RNF224: variants seen among roughly 807,000 people sequenced by gnomAD.
The protein encoded by RNF224 is ring finger protein 224.
In RNF224, 1 loss-of-function variant was observed where a neutral mutation model predicts 2.9. The observed-to-expected ratio is 0.35, with a 90% CI of 0.12 to 1.66. The LOEUF (loss-of-function observed/expected upper bound fraction) is 1.66, where lower values mean the gene tolerates loss of function less well. RNF224 is among the 40% of genes most tolerant of loss of function. The pLI is 0.35. For synonymous variants in RNF224, 116 were observed against 97.6 expected (o/e 1.19, Z -1.11); for missense variants, 254 against 221.8 (o/e 1.15, Z -0.92).
rs2131395338 is a variant in RNF224, at chr9:137,229,238, G to A, written c.*152G>A. 2 of 608,260 alleles carry A rather than the reference G, an allele frequency of 3.3e-6. No homozygotes were observed. The highest frequency in any genetic ancestry group is 2.0e-5 in the South Asian group (1 of 51,102). 37.7% of individuals were successfully genotyped at this position (608,260 alleles called of 1,614,324 possible). ...AGCAGGGTGGTGTCATCCCAGCCGT[G>A]AACATCCCAGGCCACAGCCTAAGGT... On this transcript the variant is annotated 3_prime_UTR_variant, in exon 3 of 3. Coordinates refer to ENST00000445101, the MANE Select transcript of RNF224 (RefSeq NM_001190228.2).
Position 137,228,215 on chromosome 9 carries a change from T to C in RNF224, c.-121T>C. 1.0e-6 allele frequency: 1 copy of C among 970,568 alleles called. No homozygotes were observed. Among genetic ancestry groups the C allele is most frequent in the Admixed American group, 2.5e-5 (1 of 40,178 alleles). 60.1% of individuals were successfully genotyped at this position (970,568 alleles called of 1,614,324 possible). On this transcript the variant is annotated 5_prime_UTR_variant, in exon 2 of 3. Coordinates refer to ENST00000445101, the MANE Select transcript of RNF224 (RefSeq NM_001190228.2). ...CGCCCGCCACAGCTGGCCACCTGCC[T>C]CTCTCCTGACTCCCGTGCAAGGCCA...
Position 137,229,427 on chromosome 9 carries a change from C to A in RNF224, c.*341C>A. 1 of 327,300 alleles carries A rather than the reference C, an allele frequency of 3.1e-6. No individual in the cohort carries two copies. Among genetic ancestry groups the A allele is most frequent in the South Asian group, 4.2e-5 (1 of 23,632 alleles). 20.3% of individuals were successfully genotyped at this position (327,300 alleles called of 1,614,324 possible). A position where few individuals can be genotyped will look rare whatever the true frequency, so the allele number is the denominator to read the frequency against. On this transcript the variant is annotated 3_prime_UTR_variant, in exon 3 of 3. Transcript: ENST00000445101. ...TAGACGCAGCGCAAAGGATGGCTCCCAAGAGGATGCGAAGGCGTCCCGGGG... is the reference window on the plus strand; with the variant it reads ...TAGACGCAGCGCAAAGGATGGCTCCAAAGAGGATGCGAAGGCGTCCCGGGG...
chr9:137,227,923 C>T (rs368169286), intron 1 of RNF224, 62 bp downstream of exon 1: 3 of 112,056 alleles, frequency 2.7e-5, no homozygotes, highest in South Asian at 2.1e-4. Flanking sequence ...AGTGAGGGAG[C>T]GGAGGGAAGG....
intron 1 of RNF224, 94 bp from the exon 2 acceptor site, chr9:137,228,058 T>G: frequency 4.6e-6 from 2 of 436,852 alleles, no homozygotes; most frequent in Non-Finnish European, 3.9e-6. Flanking sequence ...CCAGCCTGGA[T>G]AAGGTGTTAG....
rs1564411521 is a variant in RNF224, at chr9:137,228,657, AGGGGGGCCCCCG to A, written c.44_55del (p.Gly15_Pro18del). 1.3e-5 allele frequency: 19 copies of A among 1,457,948 alleles called. No individual in the cohort carries two copies. The East Asian group carries it at 4.5e-4, about 34-fold the overall frequency. The allele number at this position is 1,457,948 out of a possible 1,614,324, so 90.3% of individuals were successfully genotyped here. A position where few individuals can be genotyped will look rare whatever the true frequency, so the allele number is the denominator to read the frequency against. On this transcript the variant is annotated inframe_deletion, in exon 3 of 3. Transcript: ENST00000445101. ...CCGGAGGGCCCCCAGGCCTCGGAGG[AGGGGGGCCCCCG>A]GAGGAGAGGACAGACTGCATCATCT...
rs1180293305 is a variant in RNF224, at chr9:137,229,226, C to T, written c.*140C>T. Reference sequence around the variant, plus strand: ...TTCGTGTGGCCCAGCAGGGTGGTGTCATCCCAGCCGTGAACATCCCAGGCC... The same window carrying T: ...TTCGTGTGGCCCAGCAGGGTGGTGTTATCCCAGCCGTGAACATCCCAGGCC... On this transcript the variant is annotated 3_prime_UTR_variant, in exon 3 of 3. Coordinates refer to ENST00000445101, the MANE Select transcript of RNF224 (RefSeq NM_001190228.2). The T allele has an allele frequency of 8.1e-6, 5 of 618,014 alleles. No individual in the cohort carries two copies. The African/African-American group carries it at 9.2e-5, about 11-fold the overall frequency. 38.3% of individuals were successfully genotyped at this position (618,014 alleles called of 1,614,324 possible).
At chr9:137,228,452 G>C in intron 2 of RNF224, 111 bp downstream of exon 2, 1 of 1,181,418 alleles carries the variant, frequency 8.5e-7, no homozygotes, top group Non-Finnish European at 1.2e-6. Flanking sequence ...AACCAGAAGT[G>C]TGCAGACCCT....
Position 137,228,880 on chromosome 9 carries a change from G to A in RNF224, c.265G>A (p.Ala89Thr). ...GGTGGCCATGCTAGACCTGGACCTG[G>A]CTGCTTTCCTGGCGGTCAAGGCTGA... ...GGVAMLDLDL[A>T]AFLAVKAERE... Residue 89 changes from alanine to threonine, a missense_variant, in exon 3 of 3, where the codon GCT becomes ACT. Ala to Thr is a moderately conservative substitution (Grantham distance 58, BLOSUM62 0). Coordinates refer to ENST00000445101, the MANE Select transcript of RNF224 (RefSeq NM_001190228.2). 1 of 1,535,758 alleles carries A rather than the reference G, an allele frequency of 6.5e-7. No homozygotes were observed. Among genetic ancestry groups the A allele is most frequent in the African/African-American group, 1.4e-5 (1 of 73,168 alleles).
chr9:137,229,228 T>C lies in RNF224; in HGVS notation c.*142T>C, dbSNP rs961142537. ...CGTGTGGCCCAGCAGGGTGGTGTCA[T>C]CCCAGCCGTGAACATCCCAGGCCAC... On this transcript the variant is annotated 3_prime_UTR_variant, in exon 3 of 3. Transcript: ENST00000445101. The C allele has an allele frequency of 9.7e-6, 6 of 615,726 alleles. No homozygotes were observed. The highest frequency in any genetic ancestry group is 1.8e-5 in the African/African-American group (1 of 54,336). The allele number at this position is 615,726 out of a possible 1,614,324, so 38.1% of individuals were successfully genotyped here.
In RNF224 at chr9:137,228,305, C is replaced by G; in HGVS notation, c.-31C>G. ...CCCCCACTCCCTTCTCCGGCCACCCCGTGGCTGTGCATAGCTGCCCAGCAG... is the reference window on the plus strand; with the variant it reads ...CCCCCACTCCCTTCTCCGGCCACCCGGTGGCTGTGCATAGCTGCCCAGCAG... On this transcript the variant is annotated 5_prime_UTR_variant, in exon 2 of 3. Transcript: ENST00000445101. The G allele has an allele frequency of 1.6e-5, 25 of 1,528,570 alleles. No individual in the cohort carries two copies. Among genetic ancestry groups the G allele is most frequent in the Non-Finnish European group, 2.2e-5 (25 of 1,143,658 alleles). 94.7% of individuals were successfully genotyped at this position (1,528,570 alleles called of 1,614,324 possible).
In RNF224 at chr9:137,228,618, G is replaced by C; in HGVS notation, c.7-4G>C. ...GCTGTCCACCGCTGGCTTCCCTCTG[G>C]CAGGATGCTGCAGCCGGAGGGCCCC... is the stretch of plus-strand genomic sequence containing the variant. On this transcript the variant is annotated splice_polypyrimidine_tract_variant and splice_region_variant and intron_variant, in intron 2 of 2. Transcript: ENST00000445101. The C allele has an allele frequency of 7.0e-7, 1 of 1,438,454 alleles. No individual in the cohort carries two copies. Among genetic ancestry groups the C allele is most frequent in the Non-Finnish European group, 9.1e-7 (1 of 1,098,262 alleles). 89.1% of individuals were successfully genotyped at this position (1,438,454 alleles called of 1,614,324 possible).
chr9:137,228,105 AGGGGGCG>A, intron 1 of RNF224, 40 bp from the exon 2 acceptor site: 1 of 388,846 alleles, frequency 2.6e-6, no homozygotes. Flanking sequence ...GGGGGTGGGC[AGGGGGCG>A]GGGGGCACCT....
intron 1 of RNF224, 29 bp downstream of exon 1, chr9:137,227,890 G>A (rs1836014472): frequency 1.2e-5 from 2 of 173,594 alleles, no homozygotes; most frequent in Non-Finnish European, 2.4e-5. Context: ...ATGGAGGGGA[G>A]GTTAAGGGAA....
Position 137,228,192 on chromosome 9 carries a change from C to A in RNF224, c.-144C>A. 1.4e-6 allele frequency: 1 copy of A among 725,908 alleles called. No individual in the cohort carries two copies. The highest frequency in any genetic ancestry group is 3.0e-5 in the East Asian group (1 of 32,992). 45.0% of individuals were successfully genotyped at this position (725,908 alleles called of 1,614,324 possible). A position where few individuals can be genotyped will look rare whatever the true frequency, so the allele number is the denominator to read the frequency against. ...TTTGTGGCTGAAACGGGAGCCCACG[C>A]CCGCCACAGCTGGCCACCTGCCTCT... On this transcript the variant is annotated 5_prime_UTR_variant, in exon 2 of 3. Transcript: ENST00000445101.
Position 137,229,278 on chromosome 9 carries a change from C to A in RNF224, c.*192C>A, listed in dbSNP as rs1253501839. ...CAGCCTAAGGTTGGGGGCTGGGAGG[C>A]TCCGCAGGAGGCTGGTGACCTCCCA... On this transcript the variant is annotated 3_prime_UTR_variant, in exon 3 of 3. Coordinates refer to ENST00000445101, the MANE Select transcript of RNF224 (RefSeq NM_001190228.2). The A allele has an allele frequency of 1.7e-6, 1 of 592,850 alleles. No individual in the cohort carries two copies. The highest frequency in any genetic ancestry group is 3.0e-6 in the Non-Finnish European group (1 of 332,074). 36.7% of individuals were successfully genotyped at this position (592,850 alleles called of 1,614,324 possible). A position where few individuals can be genotyped will look rare whatever the true frequency, so the allele number is the denominator to read the frequency against.
In RNF224 at chr9:137,229,511, G is replaced by C. The variant is rs1836078328; in HGVS notation, c.*425G>C. 4.8e-6 allele frequency: 1 copy of C among 207,658 alleles called. No homozygotes were observed. Among genetic ancestry groups the C allele is most frequent in the Admixed American group, 5.2e-5 (1 of 19,108 alleles). 12.9% of individuals were successfully genotyped at this position (207,658 alleles called of 1,614,324 possible). A position where few individuals can be genotyped will look rare whatever the true frequency, so the allele number is the denominator to read the frequency against. ...CTGGCTATGCCTGGCGGGCTGCCCA[G>C]AGCAGGTCTCCCCTCTCCCACAGAC... is the stretch of plus-strand genomic sequence containing the variant. On this transcript the variant is annotated 3_prime_UTR_variant, in exon 3 of 3. Transcript: ENST00000445101.
chr9:137,228,473 G>A, intron 2 of RNF224, 132 bp downstream of exon 2: 2 of 1,098,496 alleles, frequency 1.8e-6, no homozygotes, highest in South Asian at 1.7e-5. Flanking sequence ...GGTTCTGCCT[G>A]TGCCCGGTGC....
chr9:137,229,052 T>G lies in RNF224; in HGVS notation c.437T>G (p.Leu146Arg). The G allele has an allele frequency of 6.5e-7, 1 of 1,532,178 alleles. No homozygotes were observed. Among genetic ancestry groups the G allele is most frequent in the Non-Finnish European group, 8.7e-7 (1 of 1,143,920 alleles). The allele number at this position is 1,532,178 out of a possible 1,614,324, so 94.9% of individuals were successfully genotyped here. ...TACTGCTGCTGGGGCTGTGGCAGCC[T>G]CTGCTGCCCACCCCTAGGCAGCCCC... ...PRYCCWGCGS[L>R]CCPPLGSPEV Residue 146 changes from leucine to arginine, a missense_variant, in exon 3 of 3, where the codon CTC becomes CGC. Transcript: ENST00000445101.
chr9:137,228,025 GAGT>G, intron 1 of RNF224, 124 bp from the exon 2 acceptor site: 2 of 423,900 alleles, frequency 4.7e-6, no homozygotes, highest in South Asian at 5.6e-5. Flanking sequence ...GAAGCCCTAA[GAGT>G]GGGGAAATGG....
Sources: allele counts gnomAD v4.1 joint callset, GRCh38; gene constraint gnomAD v4.1.1; transcripts MANE v1.5; gene names NCBI Gene and HGNC (gene_info 2026-07-23, HGNC 2026-07-21).